The following TMEM232 variants were observed in gnomAD, a reference collection of about 807,000 sequenced individuals.
TMEM232 encodes the protein transmembrane protein 232.
In TMEM232, 80 loss-of-function variants were observed where a neutral mutation model predicts 78.8. That is an observed-to-expected ratio of 1.01 (90% CI 0.85 to 1.22). The LOEUF (loss-of-function observed/expected upper bound fraction) is 1.22. TMEM232 is among the 50% of genes most tolerant of loss of function. The probability of loss-of-function intolerance (pLI) is 0.00; values close to 1 mark genes in which losing one functional copy is unlikely to be tolerated. For missense variants in TMEM232, 881 were observed against 742.2 expected, an observed-to-expected ratio of 1.19 and a Z score of -2.17; for synonymous variants, 297 against 254.3, an observed-to-expected ratio of 1.17 and a Z score of -1.60.
intron 1 of TMEM232, among the ~76,000 whole-genome samples, chr5:110,687,730 G>A (rs762137450): frequency 6.6e-6 from 1 of 151,666 alleles, no homozygotes; most frequent in African/African-American, 2.4e-5. Context: ...CTATACATGT[G>A]TGTGTATATA....
chr5:110,609,108 C>T (rs1278564102), intron 8 of TMEM232, among the ~76,000 whole-genome samples: 2 of 152,040 alleles, frequency 1.3e-5, no homozygotes, highest in Non-Finnish European at 2.9e-5. Context: ...TATCCATTTC[C>T]TCAATTAGTG....
chr5:110,641,948 T>C (rs1786782801), intron 3 of TMEM232, among the ~76,000 whole-genome samples: 1 of 152,138 alleles, frequency 6.6e-6, no homozygotes, highest in African/African-American at 2.4e-5. Context: ...GGCCTTTTTC[T>C]CCTTTGAGAC....
chr5:110,490,101 CTGAG>C (rs923583509), intron 12 of TMEM232, among the ~76,000 whole-genome samples: 1 of 143,660 alleles, frequency 7.0e-6, no homozygotes, highest in African/African-American at 2.6e-5. Context: ...TCCAGCCTGA[CTGAG>C]TGAAACTCCG....
intron 12 of TMEM232, among the ~76,000 whole-genome samples, chr5:110,490,979 T>C (rs1765026426): frequency 6.6e-6 from 1 of 152,070 alleles, no homozygotes; most frequent in South Asian, 2.1e-4. Flanking sequence ...TAAATAAATT[T>C]CACTTCATCA....
chr5:110,657,925 A>C (rs912748312), intron 2 of TMEM232, among the ~76,000 whole-genome samples: 2 of 152,138 alleles, frequency 1.3e-5, no homozygotes, highest in South Asian at 4.1e-4. Context: ...AAAGGAAAAA[A>C]ATGAAATTGA....
At chr5:110,399,973 C>A (rs146327467) in intron 2 of TMEM232, among the ~76,000 whole-genome samples, 1 of 152,070 alleles carries the variant, frequency 6.6e-6, no homozygotes, top group Non-Finnish European at 1.5e-5. Flanking sequence ...GGGTCCATTG[C>A]GGGGTGGAGA....
At position 110,590,445 on chromosome 5, in the gene TMEM232, C is replaced by T. The variant is rs993844227; in HGVS notation, c.1276+14664G>A. Among the ~76,000 whole-genome samples, 7 of 152,240 alleles carry T rather than the reference C, an allele frequency of 4.6e-5. No individual in the cohort carries two copies. The East Asian group carries it at 1.2e-3, about 25-fold the overall frequency. ...CAGTGGTATTACATTCTCATAGGAA[C>T]ATGAACCCTATTGTGAACAGTGCAT... On this transcript the variant is annotated intron_variant, in intron 10 of 13. Transcript: ENST00000455884.
chr5:110,469,759 C>T (rs1221196691), intron 12 of TMEM232, among the ~76,000 whole-genome samples: 3 of 152,246 alleles, frequency 2.0e-5, no homozygotes, highest in Admixed American at 6.5e-5. Context: ...GGAATCAGTG[C>T]GTTGGCTAAG....
At position 110,534,731 on chromosome 5, in the gene TMEM232, T is replaced by C. The variant is rs180810137; in HGVS notation, c.1456-5896A>G. Among the ~76,000 whole-genome samples, 269 of 152,278 alleles carry C rather than the reference T, an allele frequency of 1.8e-3. 2 individuals are homozygous for C. The highest frequency in any genetic ancestry group is 6.1e-3 in the African/African-American group (255 of 41,560). On this transcript the variant is annotated intron_variant, in intron 11 of 13. Coordinates refer to ENST00000455884, the MANE Select transcript of TMEM232 (RefSeq NM_001039763.4). The stretch of plus-strand genomic sequence containing the variant: ...TATCACTCTTAACTCTTAAAGTAAA[T>C]AAATAATCTTTGCTGGCAAGACTAT...
Position 110,502,049 on chromosome 5 carries a change from TTCTG to T in TMEM232, c.1703+26535_1703+26538del, listed in dbSNP as rs548111249. Among the ~76,000 whole-genome samples the T allele has an allele frequency of 1.0e-3, 153 of 152,122 alleles. No individual in the cohort carries two copies. The East Asian group carries it at 0.011, about 11-fold the overall frequency. On this transcript the variant is annotated intron_variant, in intron 12 of 13. Transcript: ENST00000455884. Reference sequence around the variant, plus strand: ...TAGCAAATATCTTTTTTCTAAGTGTTTCTGTCTGTTTTTGGTTTTGTTTTGTTTG... The same window carrying T: ...TAGCAAATATCTTTTTTCTAAGTGTTTCTGTTTTTGGTTTTGTTTTGTTTG...
chr5:110,472,875 A>G (rs1762833245), intron 12 of TMEM232, among the ~76,000 whole-genome samples: 1 of 151,952 alleles, frequency 6.6e-6, no homozygotes. Flanking sequence ...GTCTACATTC[A>G]GAAGAATAAA....
chr5:110,549,689 TA>T (rs955077795), intron 11 of TMEM232, among the ~76,000 whole-genome samples: 1 of 112,354 alleles, frequency 8.9e-6, no homozygotes, highest in Non-Finnish European at 1.9e-5. Flanking sequence ...AAGATGAAAA[TA>T]AGAAGGGTTA....
intron 2 of TMEM232, among the ~76,000 whole-genome samples, chr5:110,402,938 A>C (rs1046791293): frequency 1.3e-5 from 2 of 152,108 alleles, no homozygotes; most frequent in African/African-American, 4.8e-5. Context: ...ACCACTACAG[A>C]AGCTGTTCAC....
chr5:110,608,919 G>A (rs1000962800), intron 8 of TMEM232, among the ~76,000 whole-genome samples: 2 of 152,000 alleles, frequency 1.3e-5, no homozygotes, highest in African/African-American at 4.8e-5. Flanking sequence ...TGAAATTAAA[G>A]TTGTACAAAA....
intron 12 of TMEM232, among the ~76,000 whole-genome samples, chr5:110,472,954 C>T (rs1402962745): frequency 6.6e-6 from 1 of 150,606 alleles, no homozygotes; most frequent in Non-Finnish European, 1.5e-5. Context: ...TGTAAGACCT[C>T]GAAACTATGA....
rs779823899 is a variant in TMEM232, at chr5:110,512,114, A to AT, written c.1703+16473dup. ...ACTCATCATTACAGAGATTTAATAC[A>AT]TTTTTTGTGTAATTTTACATGAATA... On this transcript the variant is annotated intron_variant, in intron 12 of 13. Transcript: ENST00000455884. Among the ~76,000 whole-genome samples, 14 of 152,222 alleles carry AT rather than the reference A, an allele frequency of 9.2e-5. No individual in the cohort carries two copies. In the South Asian group the frequency reaches 1.0e-3, roughly 11 times the overall value.
At chr5:110,636,799 C>T (rs1476926117) in intron 5 of TMEM232, among the ~76,000 whole-genome samples, 1 of 152,016 alleles carries the variant, frequency 6.6e-6, no homozygotes, top group Non-Finnish European at 1.5e-5. Context: ...ATTTAAAGCA[C>T]TTATCATTGT....
intron 10 of TMEM232, among the ~76,000 whole-genome samples, chr5:110,594,446 A>G (rs904001782): frequency 6.6e-6 from 1 of 152,084 alleles, no homozygotes; most frequent in Non-Finnish European, 1.5e-5. Flanking sequence ...CTGGAACCCC[A>G]GCAAGACAGA....
At chr5:110,405,119 T>C (rs1333385937) in intron 2 of TMEM232, among the ~76,000 whole-genome samples, 1 of 152,088 alleles carries the variant, frequency 6.6e-6, no homozygotes, top group Non-Finnish European at 1.5e-5. Context: ...TATTTTAAAT[T>C]GCATCTCAAC....
Sources: gnomAD v4.1 joint callset for allele counts (sites outside exome capture counted in the v4.1 genomes callset) on GRCh38, gnomAD v4.1.1 for gene constraint, MANE v1.5 for transcripts, NCBI Gene and HGNC (gene_info 2026-07-23, HGNC 2026-07-21) for gene names.